PCDHA1: variants seen among roughly 807,000 people sequenced by gnomAD.
PCDHA1 encodes protocadherin alpha 1.
A neutral mutation model predicts 61.3 loss-of-function variants in PCDHA1; 42 were observed. That is an observed-to-expected ratio of 0.69 (90% CI 0.54 to 0.89). The LOEUF (loss-of-function observed/expected upper bound fraction) is 0.89. Among genes scored for constraint, PCDHA1 ranks in the 40% least tolerant of loss-of-function variants. The pLI is 0.00. For synonymous variants in PCDHA1, 610 were observed against 553.8 expected, an observed-to-expected ratio of 1.10 and a Z score of -1.43; for missense variants, 1,256 against 1,235.3, an observed-to-expected ratio of 1.02 and a Z score of -0.25.
At chr5:140,825,574 G>A (rs1447925811) in intron 1 of PCDHA1, 1 of 151,612 alleles carries the variant, frequency 6.6e-6, no homozygotes, top group Non-Finnish European at 1.5e-5. Flanking sequence ...ACAGGCATGT[G>A]CCCACACCTG....
intron 1 of PCDHA1, chr5:140,876,322 A>G (rs146464308): frequency 6.2e-7 from 1 of 1,614,034 alleles, no homozygotes; most frequent in Non-Finnish European, 8.5e-7. Context: ...GATCAAAATG[A>G]TTTTGCCAGT....
rs1007708043 is a variant in PCDHA1 at position 140,967,271 on chromosome 5, A to G, written c.2395-11678A>G. 3.1e-6 allele frequency: 5 copies of G among 1,613,338 alleles called. No individual in the cohort carries two copies. The South Asian group carries it at 5.5e-5, about 18-fold the overall frequency. On this transcript the variant is annotated intron_variant, in intron 1 of 3. Transcript: ENST00000504120. The stretch of plus-strand genomic sequence containing the variant: ...GGTGGCGCCTGGAGCGCGCTTTCAC[A>G]TAGAGAGTGCGCAGGACCCCGACGT...
intron 1 of PCDHA1, chr5:140,870,827 C>T (rs782048793): frequency 8.1e-6 from 13 of 1,613,648 alleles, no homozygotes; most frequent in Non-Finnish European, 9.3e-6. Context: ...GCGGGAGGCG[C>T]AGTTAACAAG....
At chr5:140,930,842 T>C (rs183476886) in intron 1 of PCDHA1, among the ~76,000 whole-genome samples, 1 of 152,338 alleles carries the variant, frequency 6.6e-6, no homozygotes, top group Admixed American at 6.5e-5. Flanking sequence ...TGAATAAATA[T>C]GTGCATATAT....
intron 1 of PCDHA1, chr5:140,863,165 C>G (rs1367294208): frequency 1.5e-6 from 1 of 666,560 alleles, no homozygotes; most frequent in Non-Finnish European, 2.7e-6. Context: ...TGCGAGCTGG[C>G]GCTGACTGCC....
chr5:140,927,309 C>T (rs2084071798), intron 1 of PCDHA1: 4 of 1,614,058 alleles, frequency 2.5e-6, no homozygotes, highest in Admixed American at 1.7e-5. Context: ...TCCTGACGCC[C>T]GGAGCCCGCT....
chr5:140,875,741 T>A lies in PCDHA1; in HGVS notation c.2394+87057T>A, dbSNP rs781967971. On this transcript the variant is annotated intron_variant, in intron 1 of 3. Transcript: ENST00000504120. ...GGCATTTTGTTTGTGAATTCTCGGA[T>A]CGACCGCGAGAAGCTGTGCGGGCGG... 1.7e-5 allele frequency: 28 copies of A among 1,614,216 alleles called. No individual in the cohort carries two copies. Among genetic ancestry groups the A allele is most frequent in the Non-Finnish European group, 2.2e-5 (26 of 1,180,032 alleles).
intron 1 of PCDHA1, among the ~76,000 whole-genome samples, chr5:140,838,280 A>ATTTTT (rs2150286950): frequency 0.017 from 2,338 of 139,538 alleles, 73 homozygotes; most frequent in African/African-American, 0.061. Flanking sequence ...AGCCATGCTA[A>ATTTTT]TTTTTTTTTT....
chr5:140,874,132 A>T (rs181983769), intron 1 of PCDHA1, among the ~76,000 whole-genome samples: 8 of 152,358 alleles, frequency 5.3e-5, no homozygotes, highest in Non-Finnish European at 1.2e-4. Flanking sequence ...TATTTAAGTT[A>T]TCTTATACTT....
intron 1 of PCDHA1, chr5:140,969,215 C>T: frequency 6.2e-7 from 1 of 1,614,128 alleles, no homozygotes; most frequent in East Asian, 2.2e-5. Flanking sequence ...CCAGACAGGA[C>T]CAGGGCCTTC....
intron 1 of PCDHA1, chr5:140,868,213 A>G (rs1296985055): frequency 6.6e-6 from 1 of 152,200 alleles, no homozygotes; most frequent in Non-Finnish European, 1.5e-5. Flanking sequence ...GAAATAATAT[A>G]TGTCAAATAA....
At chr5:140,856,911 T>C in intron 1 of PCDHA1, 2 of 1,595,928 alleles carry the variant, frequency 1.3e-6, no homozygotes, top group South Asian at 2.2e-5. Context: ...CCACCCACGA[T>C]AAGAAGGAAA....
At chr5:140,848,969 C>T in intron 1 of PCDHA1, 2 of 1,604,404 alleles carry the variant, frequency 1.2e-6, no homozygotes, top group Non-Finnish European at 8.5e-7. Context: ...AGGGCGCGTC[C>T]GATGCAGATA....
chr5:140,994,428 C>T lies in PCDHA1; in HGVS notation c.2542+11865C>T, dbSNP rs183026150. Among the ~76,000 whole-genome samples, 15 of 152,198 alleles carry T rather than the reference C, an allele frequency of 9.9e-5. No individual in the cohort carries two copies. The South Asian group carries it at 1.2e-3, about 13-fold the overall frequency. On this transcript the variant is annotated intron_variant, in intron 3 of 3. Transcript: ENST00000504120. ...TTTAATACTGGATATTGAGGCCGGGCGCAGTGGCTCACACCTGTGATCCCA... is the reference window on the plus strand; with the variant it reads ...TTTAATACTGGATATTGAGGCCGGGTGCAGTGGCTCACACCTGTGATCCCA...
In PCDHA1 at chr5:140,843,765, A is replaced by G. The variant is rs2150366342; in HGVS notation, c.2394+55081A>G. 3 of 1,487,856 alleles carry G rather than the reference A, an allele frequency of 2.0e-6. No homozygotes were observed. In the South Asian group the frequency reaches 3.6e-5, roughly 18 times the overall value. The allele number at this position is 1,487,856 out of a possible 1,614,324, so 92.2% of individuals were successfully genotyped here. On this transcript the variant is annotated intron_variant, in intron 1 of 3. Transcript: ENST00000504120. ...CATAAATTCTATTTGTGGAAATTGT[A>G]GTTACTTTAAAAGTGTTTCAGATTT...
chr5:140,942,435 A>G (rs1258382123), intron 1 of PCDHA1, among the ~76,000 whole-genome samples: 2 of 152,114 alleles, frequency 1.3e-5, no homozygotes, highest in East Asian at 3.9e-4. Flanking sequence ...ATCTAACAAT[A>G]AACAAGTAAA....
At chr5:140,936,552 T>C (rs1408956922) in intron 1 of PCDHA1, among the ~76,000 whole-genome samples, 5 of 152,234 alleles carry the variant, frequency 3.3e-5, no homozygotes, top group Admixed American at 3.3e-4. Flanking sequence ...AATGTAGAAG[T>C]CAAGATTTAT....
chr5:140,928,835 C>G (rs782027566), intron 1 of PCDHA1: 1 of 1,614,036 alleles, frequency 6.2e-7, no homozygotes, highest in African/African-American at 1.3e-5. Context: ...CCACTTTCCT[C>G]CTCTGTCACT....
At chr5:140,796,833 C>G in intron 1 of PCDHA1, 1 of 1,613,992 alleles carries the variant, frequency 6.2e-7, no homozygotes, top group Non-Finnish European at 8.5e-7. Flanking sequence ...TCCCGTTCCG[C>G]GTGGGGCTAT....
Sources: gnomAD v4.1 joint callset for allele counts (sites outside exome capture counted in the v4.1 genomes callset) on GRCh38, gnomAD v4.1.1 for gene constraint, MANE v1.5 for transcripts, NCBI Gene and HGNC (gene_info 2026-07-23, HGNC 2026-07-21) for gene names.